The following ATP7B variants were observed in gnomAD, a reference collection of about 807,000 sequenced individuals.
ATP7B encodes ATPase copper transporting beta.
ATP7B carries 113 observed loss-of-function variants against 118.9 expected under a neutral mutation model. That is an observed-to-expected ratio of 0.95 (90% CI 0.82 to 1.11). The LOEUF (loss-of-function observed/expected upper bound fraction) is 1.11, where lower values mean the gene tolerates loss of function less well. Ranked by LOEUF, ATP7B falls within the 50% of genes most tolerant of loss-of-function variation. ATP7B has a pLI of 0.00. For missense variants in ATP7B, 1,867 were observed against 1,871.4 expected (o/e 1.00, Z 0.04); for synonymous variants, 777 against 727.4 (o/e 1.07, Z -1.10).
chr13:52,010,897 C>T (rs1424379950), intron 1 of ATP7B, among the ~76,000 whole-genome samples: 10 of 152,168 alleles, frequency 6.6e-5, no homozygotes, highest in Non-Finnish European at 1.5e-5. Flanking sequence ...GAATTTAAAA[C>T]AGTTATAAAA....
chr13:51,937,235 T>C, intron 19 of ATP7B, 41 bp downstream of exon 19: 2 of 1,587,162 alleles, frequency 1.3e-6, no homozygotes, highest in Non-Finnish European at 1.7e-6. Flanking sequence ...ACAGAAGCCT[T>C]TCTGGGCGCA....
intron 10 of ATP7B, 28 bp from the exon 11 acceptor site, chr13:51,950,189 C>T: frequency 1.9e-6 from 3 of 1,614,160 alleles, no homozygotes; most frequent in Non-Finnish European, 2.5e-6. Context: ...ACAACTGTCA[C>T]TTGCTCAGCC....
chr13:52,009,221 G>T (rs150599877), intron 1 of ATP7B, among the ~76,000 whole-genome samples: 3 of 152,288 alleles, frequency 2.0e-5, no homozygotes, highest in Admixed American at 6.5e-5. Context: ...TGAGATGGCC[G>T]TTCAGAGGGC....
chr13:52,004,459 A>G (rs116924477), intron 1 of ATP7B, among the ~76,000 whole-genome samples: 3 of 152,322 alleles, frequency 2.0e-5, no homozygotes, highest in Non-Finnish European at 4.4e-5. Flanking sequence ...TCAGGTTCCT[A>G]TGTAAGCAAA....
intron 2 of ATP7B, among the ~76,000 whole-genome samples, chr13:51,973,427 T>C (rs1566591228): frequency 6.6e-6 from 1 of 152,218 alleles, no homozygotes; most frequent in African/African-American, 2.4e-5. Flanking sequence ...GACTGGATCA[T>C]GAGGGTTCTA....
At chr13:51,958,766 A>C in intron 7 of ATP7B, 10 of 581,010 alleles carry the variant, frequency 1.7e-5, no homozygotes, top group Non-Finnish European at 3.1e-5. Context: ...TTTAAAACCC[A>C]GTGCTTACAA....
chr13:51,955,486 G>C (rs112132514), intron 9 of ATP7B, among the ~76,000 whole-genome samples: 18 of 152,172 alleles, frequency 1.2e-4, no homozygotes, highest in Non-Finnish European at 2.6e-4. Flanking sequence ...TAGTCAGGCC[G>C]TGCGTCCCCA....
At chr13:51,943,731 C>T (rs933658814) in intron 14 of ATP7B, among the ~76,000 whole-genome samples, 2 of 152,122 alleles carry the variant, frequency 1.3e-5, no homozygotes, top group African/African-American at 4.8e-5. Context: ...CTCCCTTCCA[C>T]CCCAGTACTC....
intron 16 of ATP7B, among the ~76,000 whole-genome samples, chr13:51,940,474 G>A (rs1196496108): frequency 3.3e-5 from 5 of 151,200 alleles, no homozygotes; most frequent in African/African-American, 9.7e-5. Context: ...GTGAAACCCC[G>A]TCTCTACTAA....
chr13:51,935,720 A>C, intron 19 of ATP7B, 25 bp from the exon 20 acceptor site: 4 of 1,593,832 alleles, frequency 2.5e-6, no homozygotes, highest in Non-Finnish European at 3.4e-6. Context: ...ACTCGCACTC[A>C]CACCTAGGTC....
chr13:51,977,347 T>A (rs569096483), intron 1 of ATP7B, among the ~76,000 whole-genome samples: 2 of 152,246 alleles, frequency 1.3e-5, no homozygotes, highest in Admixed American at 6.5e-5. Flanking sequence ...GCTTTTAAAA[T>A]TTTTTTATTT....
chr13:52,009,598 G>C (rs970563157), intron 1 of ATP7B, among the ~76,000 whole-genome samples: 1 of 152,168 alleles, frequency 6.6e-6, no homozygotes, highest in African/African-American at 2.4e-5. Context: ...CTCACGGCAC[G>C]TTAGTAAATG....
intron 19 of ATP7B, among the ~76,000 whole-genome samples, chr13:51,935,956 C>T (rs553415584): frequency 2.0e-5 from 3 of 152,228 alleles, no homozygotes; most frequent in Admixed American, 6.5e-5. Context: ...CAGGTGGCAT[C>T]CCATTTCAGG....
chr13:52,005,184 G>A (rs542863995), intron 1 of ATP7B, among the ~76,000 whole-genome samples: 3 of 152,272 alleles, frequency 2.0e-5, no homozygotes, highest in African/African-American at 7.2e-5. Flanking sequence ...ATTCTTCCCA[G>A]CAGCCTTTTT....
chr13:51,953,851 T>TAAAAAAAAAAA lies in ATP7B; in HGVS notation c.2448-3463_2448-3453dup, dbSNP rs561139788. Among the ~76,000 whole-genome samples, 76 of 94,356 alleles carry TAAAAAAAAAAA rather than the reference T, an allele frequency of 8.1e-4. 5 individuals carry two copies. Among genetic ancestry groups the TAAAAAAAAAAA allele is most frequent in the African/African-American group, 2.1e-3 (48 of 23,306 alleles). The allele number at this position is 94,356 out of a possible 152,430, so 61.9% of individuals were successfully genotyped here. On this transcript the variant is annotated intron_variant, in intron 9 of 20. Transcript: ENST00000242839. ...TTGTAATTTGTTTCCCCATCAATTGTAAAAAAAAAAAAAAAAACCAGAAAA... is the reference window on the plus strand; with the variant it reads ...TTGTAATTTGTTTCCCCATCAATTGTAAAAAAAAAAAAAAAAAAAAAAAAAAAACCAGAAAA...
At chr13:51,981,415 T>C (rs767505051) in intron 1 of ATP7B, among the ~76,000 whole-genome samples, 2 of 152,168 alleles carry the variant, frequency 1.3e-5, no homozygotes, top group Non-Finnish European at 2.9e-5. Context: ...TCAATATCCC[T>C]AATCAAGGCA....
chr13:51,949,483 A>G (rs1051306937), intron 12 of ATP7B, among the ~76,000 whole-genome samples, 179 bp downstream of exon 12: 1 of 152,226 alleles, frequency 6.6e-6, no homozygotes, highest in African/African-American at 2.4e-5. Context: ...AGAAACCTGC[A>G]GAAGGAGAGT....
intron 7 of ATP7B, chr13:51,959,483 T>C (rs1363878975): frequency 7.6e-6 from 1 of 132,126 alleles, no homozygotes; most frequent in Non-Finnish European, 1.5e-5. Flanking sequence ...AACTCCAGCC[T>C]GGGTGACAGG....
At position 51,974,646 on chromosome 13, in the gene ATP7B, T is replaced by C; in HGVS notation, c.574A>G (p.Ile192Val). 6.2e-7 allele frequency: 1 copy of C among 1,611,988 alleles called. No homozygotes were observed. The highest frequency in any genetic ancestry group is 8.5e-7 in the Non-Finnish European group (1 of 1,178,584). The change falls in exon 2 of 21, where the codon ATT (isoleucine) becomes GTT (valine). Residue 192 changes from isoleucine to valine, a missense_variant. Coordinates refer to ENST00000242839, the MANE Select transcript of ATP7B (RefSeq NM_000053.4). ...TGGTCCCTGAGGTCTTCGGGCTGAA[T>C]GAGATAAGGCTGATAAGTGATGACG... ...EAVITYQPYL[I>V]QPEDLRDHVN...
Sources: allele counts gnomAD v4.1 joint callset (sites outside exome capture counted in the v4.1 genomes callset), GRCh38; gene constraint gnomAD v4.1.1; transcripts MANE v1.5; gene names NCBI Gene and HGNC (gene_info 2026-07-23, HGNC 2026-07-21).